TSPOAP1: variants seen among roughly 807,000 people sequenced by gnomAD.
TSPOAP1 encodes peripheral-type benzodiazepine receptor-associated protein 1.
Under a neutral mutation model 197.0 loss-of-function variants are expected in TSPOAP1, and 87 were observed. The observed-to-expected ratio is 0.44, with a 90% CI of 0.37 to 0.53. TSPOAP1 has a LOEUF of 0.53. Ranked by LOEUF, TSPOAP1 falls within the 20% of genes least tolerant of loss-of-function variation. The pLI is 0.00. For synonymous variants in TSPOAP1, 913 were observed against 998.9 expected (o/e 0.91, Z 1.62); for missense variants, 2,174 against 2,411.3 (o/e 0.90, Z 2.06).
intron 7 of TSPOAP1, 51 bp from the exon 8 acceptor site, chr17:58,323,090 C>T (rs777145653): frequency 5.4e-5 from 84 of 1,567,468 alleles, no homozygotes; most frequent in Non-Finnish European, 7.0e-5. Flanking sequence ...CACATTCCCC[C>T]TCTCCCCACA....
In TSPOAP1 at chr17:58,308,625, G is replaced by T. The variant is rs201919601; in HGVS notation, c.4647C>A (p.Tyr1549Ter). 1 of 1,603,762 alleles carries T rather than the reference G, an allele frequency of 6.2e-7. No homozygotes were observed. Among genetic ancestry groups the T allele is most frequent in the East Asian group, 2.2e-5 (1 of 44,618 alleles). The change falls in exon 22 of 32, where the codon TAC becomes TAA. Residue 1549 changes from tyrosine to a stop codon, truncating the protein, a stop_gained. Transcript: ENST00000343736. LOFTEE classifies it high-confidence loss of function. ...PPKANSGPKP[Y>*]PRLPAWEKGE... ...CTTTCTCCCAGGCTGGGAGGCGTGG[G>T]TAGGGCTTGGGGCCTGAATTGGCCT...
intron 20 of TSPOAP1, 37 bp downstream of exon 20, chr17:58,310,475 T>G (rs765527545): frequency 6.2e-7 from 1 of 1,602,242 alleles, no homozygotes; most frequent in South Asian, 1.1e-5. Flanking sequence ...CAGGCCTCAA[T>G]TCTCTGAAGT....
At chr17:58,323,098 A>C in intron 7 of TSPOAP1, 59 bp from the exon 8 acceptor site, 1 of 1,549,438 alleles carries the variant, frequency 6.5e-7, no homozygotes, top group Non-Finnish European at 8.8e-7. Context: ...CCCTCTCCCC[A>C]CACAGAGGAC....
In TSPOAP1 at chr17:58,312,254, T is replaced by C. The variant is rs773080222; in HGVS notation, c.2567A>G (p.His856Arg). 6 of 1,612,450 alleles carry C rather than the reference T, an allele frequency of 3.7e-6. No individual in the cohort carries two copies. The South Asian group carries it at 5.5e-5, about 15-fold the overall frequency. ...ENLDLWAGPL[H>R]ISVQALTSRG... ...GCTAGTCAGGGCCTGGACAGAAATG[T>C]GAAGGGGCCCGGCCCACAGGTCCAG... Residue 856 changes from histidine to arginine, a missense_variant, in exon 17 of 32, where the codon CAC becomes CGC. Coordinates refer to ENST00000343736, the MANE Select transcript of TSPOAP1 (RefSeq NM_004758.4).
chr17:58,302,544 T>C, intron 31 of TSPOAP1, 97 bp from the exon 32 acceptor site: 1 of 891,772 alleles, frequency 1.1e-6, no homozygotes, highest in East Asian at 8.6e-5. Context: ...CAGCCTCCCA[T>C]GTCACAGAAC....
chr17:58,318,128 C>A, intron 14 of TSPOAP1, 152 bp downstream of exon 14: 1 of 1,002,092 alleles, frequency 1.0e-6, no homozygotes. Context: ...GCGCCTCGCC[C>A]ACAGGAGGAA....
chr17:58,307,008 T>C (rs1312292021), intron 24 of TSPOAP1, 40 bp from the exon 25 acceptor site: 2 of 1,589,618 alleles, frequency 1.3e-6, no homozygotes, highest in East Asian at 4.5e-5. Context: ...TTCTGCTCAC[T>C]CCCTATGCCC....
In TSPOAP1 at chr17:58,327,610, T is replaced by C; in HGVS notation, c.311A>G (p.Glu104Gly). Reference sequence around the variant, plus strand: ...TACCTTCAGGAAAGCCTCCACTTCCTCATCCTCTGGCCTCTGGCAGGCGGG... The same window carrying C: ...TACCTTCAGGAAAGCCTCCACTTCCCCATCCTCTGGCCTCTGGCAGGCGGG... Reference protein sequence around the residue: ...SGPACQRPEDEEVEAFLKAKL... With the variant: ...SGPACQRPEDGEVEAFLKAKL... The change falls in exon 1 of 32, where the codon GAG (glutamate) becomes GGG (glycine). Residue 104 changes from glutamate to glycine, a missense_variant. Physicochemically the swap from Glu to Gly is moderately conservative, Grantham distance 98 (BLOSUM62 -2). Coordinates refer to ENST00000343736, the MANE Select transcript of TSPOAP1 (RefSeq NM_004758.4). 6.2e-7 allele frequency: 1 copy of C among 1,613,036 alleles called. No individual in the cohort carries two copies. Among genetic ancestry groups the C allele is most frequent in the Non-Finnish European group, 8.5e-7 (1 of 1,179,684 alleles).
intron 16 of TSPOAP1, among the ~76,000 whole-genome samples, chr17:58,313,687 T>G (rs572046054): frequency 2.0e-5 from 3 of 151,748 alleles, no homozygotes; most frequent in South Asian, 4.2e-4. Context: ...CCTCAACTTC[T>G]CTTTGTGAAC....
In TSPOAP1 at chr17:58,312,351, G is replaced by A. The variant is rs771031743; in HGVS notation, c.2470C>T (p.His824Tyr). The stretch of plus-strand genomic sequence containing the variant: ...CGCAGCTCCCCATTCACACAGATAT[G>A]GAAGCCGTGTAGCTCCACTTGCTCA... Reference protein sequence around the residue: ...PPEQVELHGFHICVNGELRQA... With the variant: ...PPEQVELHGFYICVNGELRQA... The change falls in exon 17 of 32, where the codon CAT becomes TAT. Residue 824 changes from histidine (H) to tyrosine (Y), a missense_variant. His to Tyr is a moderately conservative substitution (Grantham distance 83). Transcript: ENST00000343736. 9.5e-5 allele frequency: 153 copies of A among 1,612,222 alleles called. No individual in the cohort carries two copies. Among genetic ancestry groups the A allele is most frequent in the Non-Finnish European group, 1.2e-4 (145 of 1,179,480 alleles).
rs1971620273 is a variant in TSPOAP1 at position 58,326,623 on chromosome 17, G to A, written c.441+60C>T. ...GAAAGATGTTCATGGGGTGAGGAGG[G>A]CACTGAGGCAGAGGGCCTGGCTCCA... is the stretch of plus-strand genomic sequence containing the variant. On this transcript the variant is annotated intron_variant, in intron 2 of 31. Transcript: ENST00000343736. The surrounding 1 kb of genome is among the most constrained non-coding windows in gnomAD (Gnocchi z 4.7). 1 of 1,572,970 alleles carries A rather than the reference G, an allele frequency of 6.4e-7. No homozygotes were observed. Among genetic ancestry groups the A allele is most frequent in the Non-Finnish European group, 8.7e-7 (1 of 1,144,342 alleles).
chr17:58,310,207 CA>C lies in TSPOAP1; in HGVS notation c.3700-50del. 3 of 1,557,596 alleles carry C rather than the reference CA, an allele frequency of 1.9e-6. No homozygotes were observed. In the South Asian group the frequency reaches 3.5e-5, roughly 18 times the overall value. On this transcript the variant is annotated intron_variant, in intron 20 of 31. Transcript: ENST00000343736. ...GAGAGATAAGGACAGTGAGGGGGCACAGGGGGTTCCAGGCAGGGTCAGCCCC... is the reference window on the plus strand; with the variant it reads ...GAGAGATAAGGACAGTGAGGGGGCACGGGGGTTCCAGGCAGGGTCAGCCCC...
At chr17:58,313,008 G>C (rs986774696) in intron 16 of TSPOAP1, among the ~76,000 whole-genome samples, 1 of 152,178 alleles carries the variant, frequency 6.6e-6, no homozygotes, top group African/African-American at 2.4e-5. Flanking sequence ...TAACTCGGTT[G>C]GGTCTGGATG....
In TSPOAP1 at chr17:58,320,523, C is replaced by T. The variant is rs756399033; in HGVS notation, c.1473+8G>A. 3.0e-5 allele frequency: 45 copies of T among 1,512,698 alleles called. No individual in the cohort carries two copies. Among genetic ancestry groups the T allele is most frequent in the Non-Finnish European group, 3.5e-5 (40 of 1,130,762 alleles). The allele number at this position is 1,512,698 out of a possible 1,614,324, so 93.7% of individuals were successfully genotyped here. A position where few individuals can be genotyped will look rare whatever the true frequency, so the allele number is the denominator to read the frequency against. On this transcript the variant is annotated splice_region_variant and intron_variant, in intron 11 of 31. Transcript: ENST00000343736. Reference sequence around the variant, plus strand: ...GGTGGAACTGGGGGCCACTTCCAGGCGCCCTACCTCCAGCAGCTGCACGGC... The same window carrying T: ...GGTGGAACTGGGGGCCACTTCCAGGTGCCCTACCTCCAGCAGCTGCACGGC...
intron 29 of TSPOAP1, 88 bp from the exon 30 acceptor site, chr17:58,305,259 G>A (rs768121627): frequency 2.7e-6 from 4 of 1,485,528 alleles, no homozygotes; most frequent in African/African-American, 1.4e-5. Context: ...AACAGCTGGG[G>A]CCAAAACCAC....
At position 58,302,379 on chromosome 17, in the gene TSPOAP1, G is replaced by A. The variant is rs1191054286; in HGVS notation, c.*101C>T. The A allele has an allele frequency of 2.0e-5, 26 of 1,288,022 alleles. No individual in the cohort carries two copies. The highest frequency in any genetic ancestry group is 2.3e-5 in the Admixed American group (1 of 43,376). 79.8% of individuals were successfully genotyped at this position (1,288,022 alleles called of 1,614,324 possible). On this transcript the variant is annotated 3_prime_UTR_variant, in exon 32 of 32. Transcript: ENST00000343736. ...GCTCCCCACGTTCAATCCTGGGGGC[G>A]CTGCCAGAGCTGGGGGTACAAGGCC...
intron 24 of TSPOAP1, 39 bp downstream of exon 24, chr17:58,307,572 G>A (rs1970938063): frequency 6.2e-7 from 1 of 1,604,758 alleles, no homozygotes; most frequent in African/African-American, 1.3e-5. Context: ...AGACCCAGCT[G>A]GTGTTTGGAA....
Position 58,309,916 on chromosome 17 carries a change from G to A in TSPOAP1, c.3891+51C>T, listed in dbSNP as rs541122531. ...AGCACCTGCTGACACACAGTGGGGA[G>A]GCCCCGGAGTTTGAGGCCTGGGGCC... On this transcript the variant is annotated intron_variant, in intron 21 of 31. Coordinates refer to ENST00000343736, the MANE Select transcript of TSPOAP1 (RefSeq NM_004758.4). The surrounding 1 kb of genome is among the most constrained non-coding windows in gnomAD (Gnocchi z 5.0). The A allele has an allele frequency of 3.0e-5, 47 of 1,559,844 alleles. No homozygotes were observed. In the East Asian group the frequency reaches 5.2e-4, roughly 17 times the overall value.
At position 58,322,902 on chromosome 17, in the gene TSPOAP1, G is replaced by A. The variant is rs1295204500; in HGVS notation, c.1194+48C>T. 1.9e-6 allele frequency: 3 copies of A among 1,603,672 alleles called. No homozygotes were observed. The highest frequency in any genetic ancestry group is 3.4e-5 in the Admixed American group (2 of 58,514). ...GAAAGCCCCTTGGCTGGGGACCGGG[G>A]CAGTGGTGGGAGCACAGGTCTCCAC... is the stretch of plus-strand genomic sequence containing the variant. On this transcript the variant is annotated intron_variant, in intron 8 of 31. Transcript: ENST00000343736. This position sits in a 1 kb window ranked among gnomAD's most constrained non-coding sequence, Gnocchi z 5.0.
Sources: gnomAD v4.1 joint callset for allele counts (sites outside exome capture counted in the v4.1 genomes callset) on GRCh38, gnomAD v4.1.1 for gene constraint, Gnocchi (gnomAD v3.1) non-coding constraint, MANE v1.5 for transcripts, NCBI Gene and HGNC (gene_info 2026-07-23, HGNC 2026-07-21) for gene names.